The following NRXN3 variants were observed in gnomAD, a reference collection of about 807,000 sequenced individuals.
The protein encoded by NRXN3 is neurexin 3.
A neutral mutation model predicts 137.6 loss-of-function variants in NRXN3; 32 were observed. That is an observed-to-expected ratio of 0.23 (90% CI 0.18 to 0.31). The LOEUF (loss-of-function observed/expected upper bound fraction) is 0.31. NRXN3 is among the 10% of genes least tolerant of loss of function. The pLI, the probability that NRXN3 is intolerant of heterozygous loss-of-function variation, is 1.00. For synonymous variants in NRXN3, 798 were observed against 784.5 expected (o/e 1.02, Z -0.29); for missense variants, 1,574 against 2,062.5 (o/e 0.76, Z 4.59).
At chr14:79,380,793 G>GTGGGAC (rs1213128739) in intron 15 of NRXN3, among the ~76,000 whole-genome samples, 2 of 152,192 alleles carry the variant, frequency 1.3e-5, no homozygotes, top group African/African-American at 2.4e-5. Flanking sequence ...TACACTGTTG[G>GTGGGAC]TGGGACTGTA....
intron 15 of NRXN3, among the ~76,000 whole-genome samples, chr14:79,463,890 T>C (rs2096386243): frequency 6.6e-6 from 1 of 152,122 alleles, no homozygotes; most frequent in Non-Finnish European, 1.5e-5. Flanking sequence ...GTTCCCAGGA[T>C]TTTCCCAAGA....
At chr14:78,236,400 C>G (rs1023179462) in intron 1 of NRXN3, among the ~76,000 whole-genome samples, 1 of 152,174 alleles carries the variant, frequency 6.6e-6, no homozygotes, top group Non-Finnish European at 1.5e-5. Flanking sequence ...ACGCTTCTGT[C>G]GAGATGAAGA....
intron 1 of NRXN3, among the ~76,000 whole-genome samples, chr14:78,211,181 G>A (rs2062707303): frequency 6.6e-6 from 1 of 152,198 alleles, no homozygotes; most frequent in Non-Finnish European, 1.5e-5. Context: ...CAGAAAAGTT[G>A]TTTGTTCAGT....
chr14:79,305,716 C>G (rs1420823834), intron 15 of NRXN3, among the ~76,000 whole-genome samples: 7 of 152,024 alleles, frequency 4.6e-5, no homozygotes, highest in Non-Finnish European at 7.4e-5. Flanking sequence ...GTGACTGTTT[C>G]AAAGATTCCA....
intron 16 of NRXN3, chr14:79,661,838 C>T (rs975040288): frequency 3.3e-5 from 5 of 152,004 alleles, no homozygotes; most frequent in Non-Finnish European, 5.9e-5. Context: ...TACTGTGACT[C>T]AGTCTTGTAG....
chr14:78,918,955 G>A (rs369889527), intron 10 of NRXN3, among the ~76,000 whole-genome samples: 5 of 152,082 alleles, frequency 3.3e-5, no homozygotes, highest in African/African-American at 7.2e-5. Context: ...TCATCGTTAC[G>A]TGAAGCATGA....
intron 4 of NRXN3, among the ~76,000 whole-genome samples, chr14:78,552,016 C>T (rs1399302315): frequency 6.6e-6 from 1 of 152,108 alleles, no homozygotes; most frequent in Non-Finnish European, 1.5e-5. Flanking sequence ...CAGGCCCTGC[C>T]TCCAGTGGTG....
chr14:78,819,061 A>C (rs1485105134), intron 10 of NRXN3, among the ~76,000 whole-genome samples: 1 of 151,730 alleles, frequency 6.6e-6, no homozygotes, highest in African/African-American at 2.4e-5. Context: ...TTTTGTTTTG[A>C]TTTGCCCTCC....
Position 78,235,104 on chromosome 14 carries a change from A to G in NRXN3, c.-703-7287A>G, listed in dbSNP as rs74065937. On this transcript the variant is annotated intron_variant, in intron 1 of 20. Coordinates refer to ENST00000335750, the MANE Select transcript of NRXN3 (RefSeq NM_001330195.2). ...CAATTCTTGTTTACTATATAGTTAC[A>G]AATTGTACCTTCCATCCTTATGGGT... 9.7e-3 allele frequency among the ~76,000 whole-genome samples: 1,458 copies of G among 150,218 alleles called. 28 individuals carry two copies. The highest frequency in any genetic ancestry group is 0.034 in the African/African-American group (1,391 of 40,850).
intron 4 of NRXN3, among the ~76,000 whole-genome samples, chr14:78,626,901 TCTC>T (rs367640574): frequency 2.0e-4 from 30 of 152,284 alleles, no homozygotes; most frequent in African/African-American, 7.2e-4. Flanking sequence ...TGCCATAACT[TCTC>T]CTTCTTTTCT....
chr14:79,854,141 G>T, intron 20 of NRXN3: 1 of 982,696 alleles, frequency 1.0e-6, no homozygotes, highest in South Asian at 4.7e-5. Flanking sequence ...AATTCTATTT[G>T]TCCAAGAGCA....
intron 15 of NRXN3, among the ~76,000 whole-genome samples, chr14:79,104,988 G>A (rs1473036170): frequency 6.6e-6 from 1 of 152,068 alleles, no homozygotes; most frequent in Non-Finnish European, 1.5e-5. Flanking sequence ...GATATTTCAT[G>A]TCTGGGCCCA....
chr14:79,264,619 G>A (rs1252013431), intron 15 of NRXN3, among the ~76,000 whole-genome samples: 1 of 151,640 alleles, frequency 6.6e-6, no homozygotes, highest in Non-Finnish European at 1.5e-5. Flanking sequence ...AAGGACACCA[G>A]TATATTAGAT....
intron 20 of NRXN3, among the ~76,000 whole-genome samples, chr14:79,826,177 G>A (rs749860202): frequency 4.6e-5 from 7 of 152,066 alleles, no homozygotes; most frequent in Non-Finnish European, 8.8e-5. Flanking sequence ...TATATTTTTA[G>A]TAGAGGGGTT....
chr14:79,257,415 ATGGTGGTGATGGTGGTGGTGGTGG>A (rs2076792740), intron 15 of NRXN3, among the ~76,000 whole-genome samples: 2 of 28,746 alleles, frequency 7.0e-5, no homozygotes, highest in African/African-American at 3.3e-4. Flanking sequence ...GGTGGTGGTG[ATGGTGGTGATGGTGGTGGTGGTGG>A]TGGTAGTGAT....
At chr14:78,947,084 T>C (rs1234032947) in intron 10 of NRXN3, among the ~76,000 whole-genome samples, 2 of 151,826 alleles carry the variant, frequency 1.3e-5, no homozygotes, top group Non-Finnish European at 2.9e-5. Flanking sequence ...CAGAATAGAG[T>C]GATAGTTCTG....
chr14:78,758,267 C>T (rs1256941472), intron 8 of NRXN3, among the ~76,000 whole-genome samples: 1 of 152,142 alleles, frequency 6.6e-6, no homozygotes, highest in Admixed American at 6.5e-5. Context: ...CTTATGCAGA[C>T]AATGGGACTA....
At chr14:78,435,487 C>T (rs1290584603) in intron 4 of NRXN3, among the ~76,000 whole-genome samples, 2 of 152,170 alleles carry the variant, frequency 1.3e-5, no homozygotes, top group South Asian at 2.1e-4. Context: ...ACCGCACTCA[C>T]ATTAAAGACC....
intron 8 of NRXN3, among the ~76,000 whole-genome samples, chr14:78,726,571 G>A (rs913583022): frequency 3.0e-5 from 4 of 134,294 alleles, no homozygotes; most frequent in Non-Finnish European, 4.6e-5. Flanking sequence ...AAGCTGAAGT[G>A]CAGTGATGCA....
Sources: gnomAD v4.1 joint callset for allele counts (sites outside exome capture counted in the v4.1 genomes callset) on GRCh38, gnomAD v4.1.1 for gene constraint, MANE v1.5 for transcripts, NCBI Gene and HGNC (gene_info 2026-07-23, HGNC 2026-07-21) for gene names.